Variants in EEF1E1 observed in about 807,000 individuals in gnomAD.
EEF1E1 encodes the protein eukaryotic translation elongation factor 1 epsilon-1.
A neutral mutation model predicts 19.9 loss-of-function variants in EEF1E1; 19 were observed. The observed-to-expected ratio is 0.95, with a 90% CI of 0.66 to 1.40. The LOEUF (loss-of-function observed/expected upper bound fraction) is 1.40, where lower values mean the gene tolerates loss of function less well. EEF1E1 is among the 40% of genes most tolerant of loss of function. EEF1E1 has a pLI of 0.00. For synonymous variants in EEF1E1, 81 were observed against 80.0 expected (o/e 1.01, Z -0.07); for missense variants, 198 against 202.2 (o/e 0.98, Z 0.13).
chr6:8,094,161 G>C (rs1008671769), intron 2 of EEF1E1, among the ~76,000 whole-genome samples: 4 of 152,158 alleles, frequency 2.6e-5, no homozygotes, highest in Non-Finnish European at 2.9e-5. Context: ...GAAGGAGAAA[G>C]AGGTAATACC....
chr6:8,082,736 C>T (rs1010459043), intron 3 of EEF1E1, among the ~76,000 whole-genome samples: 2 of 152,186 alleles, frequency 1.3e-5, no homozygotes, highest in African/African-American at 4.8e-5. Context: ...CCACTTTCAC[C>T]TCTTTTTACA....
At position 8,073,549 on chromosome 6, in the gene EEF1E1, G is replaced by C. The variant is rs116460821; in HGVS notation, c.385-39C>G. 2.8e-4 allele frequency: 429 copies of C among 1,551,250 alleles called. 2 individuals are homozygous for C. The African/African-American group carries it at 5.3e-3, about 19-fold the overall frequency. Reference sequence around the variant, plus strand: ...TAAAAAAGGAGTTAATTCACTTAAAGCACTTAGAATAGTGCCTGATACACA... The same window carrying C: ...TAAAAAAGGAGTTAATTCACTTAAACCACTTAGAATAGTGCCTGATACACA... On this transcript the variant is annotated intron_variant, in intron 3 of 3. Coordinates refer to the EEF1E1 transcript ENST00000429723.
chr6:8,073,406 G>GT, exon 4 of EEF1E1: 2 of 1,544,772 alleles, frequency 1.3e-6, no homozygotes, highest in Non-Finnish European at 1.7e-6. Flanking sequence ...TAGTTTACAG[G>GT]TAAGTTTGAG....
intron 3 of EEF1E1, among the ~76,000 whole-genome samples, chr6:8,082,856 A>G (rs1757756027): frequency 6.6e-6 from 1 of 152,234 alleles, no homozygotes; most frequent in African/African-American, 2.4e-5. Context: ...CTTACTGTAA[A>G]CAAAGAAATG....
intron 3 of EEF1E1, among the ~76,000 whole-genome samples, chr6:8,082,949 G>C (rs1298482365): frequency 6.6e-6 from 1 of 152,154 alleles, no homozygotes; most frequent in Non-Finnish European, 1.5e-5. Context: ...TTACAACACT[G>C]GTTTTCCACC....
chr6:8,083,133 G>A (rs1387337199), intron 3 of EEF1E1, among the ~76,000 whole-genome samples: 1 of 152,128 alleles, frequency 6.6e-6, no homozygotes, highest in Admixed American at 6.5e-5. Flanking sequence ...TCATGACTTT[G>A]AACTTTAAAG....
intron 3 of EEF1E1, among the ~76,000 whole-genome samples, chr6:8,085,409 TC>T (rs985329704): frequency 3.9e-5 from 6 of 152,154 alleles, no homozygotes; most frequent in African/African-American, 1.4e-4. Context: ...TGCCTCAGCT[TC>T]CCAAAGTGCT....
At chr6:8,081,193 A>G (rs747985295) in intron 3 of EEF1E1, among the ~76,000 whole-genome samples, 1 of 152,230 alleles carries the variant, frequency 6.6e-6, no homozygotes, top group African/African-American at 2.4e-5. Context: ...GTTTCAGAAA[A>G]ATTTAAGTTT....
chr6:8,081,916 C>T (rs1023164065), intron 3 of EEF1E1, among the ~76,000 whole-genome samples: 4 of 152,200 alleles, frequency 2.6e-5, no homozygotes, highest in African/African-American at 9.7e-5. Context: ...TCTTTCATTT[C>T]AGATAATTCT....
At position 8,093,163 on chromosome 6, in the gene EEF1E1, T is replaced by C. The variant is rs149727125; in HGVS notation, c.289-2882A>G. ...CTGGGATTACAGGCGTGAGCCACCGTGCCCGGCCAAGACTCTTAAAAATGT... is the reference window on the plus strand; with the variant it reads ...CTGGGATTACAGGCGTGAGCCACCGCGCCCGGCCAAGACTCTTAAAAATGT... On this transcript the variant is annotated intron_variant, in intron 2 of 3. Coordinates refer to ENST00000379715, the MANE Select transcript of EEF1E1 (RefSeq NM_004280.5). Among the ~76,000 whole-genome samples the C allele has an allele frequency of 9.5e-3, 1,440 of 152,046 alleles. 21 individuals carry two copies. The highest frequency in any genetic ancestry group is 0.033 in the African/African-American group (1,353 of 41,472).
chr6:8,082,561 G>T (rs1472324776), intron 3 of EEF1E1, among the ~76,000 whole-genome samples: 1 of 152,194 alleles, frequency 6.6e-6, no homozygotes, highest in Admixed American at 6.5e-5. Context: ...TTACAGGCAT[G>T]AGCCACTGCA....
intron 3 of EEF1E1, among the ~76,000 whole-genome samples, chr6:8,080,889 C>T (rs1196020302): frequency 6.6e-6 from 1 of 152,188 alleles, no homozygotes; most frequent in South Asian, 2.1e-4. Flanking sequence ...CCTACAAGCG[C>T]TACAAACCCC....
chr6:8,101,662 G>C (rs1301231677), intron 1 of EEF1E1: 1 of 990,078 alleles, frequency 1.0e-6, no homozygotes, highest in East Asian at 7.1e-5. Context: ...TATATCCAAA[G>C]TAGTCTTCCT....
At chr6:8,075,074 C>G (rs1015572526), downstream of EEF1E1, among the ~76,000 whole-genome samples, 3 of 152,146 alleles carry the variant, frequency 2.0e-5, no homozygotes, top group Non-Finnish European at 4.4e-5. Context: ...TTCAATCCTC[C>G]TGCTGAATGG....
chr6:8,090,454 C>A (rs560159712), intron 2 of EEF1E1, among the ~76,000 whole-genome samples, 173 bp from the exon 3 acceptor site: 23 of 152,222 alleles, frequency 1.5e-4, no homozygotes, highest in African/African-American at 5.5e-4. Flanking sequence ...ACGCCAGTCA[C>A]CTCATTTTAA....
downstream of EEF1E1, among the ~76,000 whole-genome samples, chr6:8,078,058 T>A (rs938302570): frequency 6.6e-6 from 1 of 152,222 alleles, no homozygotes; most frequent in African/African-American, 2.4e-5. Flanking sequence ...ATTATAGGCA[T>A]GAGCCACCAC....
At chr6:8,078,387 T>A, downstream of EEF1E1, 1 of 176,634 alleles carries the variant, frequency 5.7e-6, no homozygotes, top group South Asian at 9.9e-5. Flanking sequence ...AAGTCTTATA[T>A]GGGCATGGCT....
chr6:8,081,659 C>T lies in EEF1E1; in HGVS notation c.385-1629G>A, dbSNP rs185941270. ...AGCAAGGACTTCAAAAGAAAATGTACGATTTATTAAAAGCTCAACCAGTAA... is the reference window on the plus strand; with the variant it reads ...AGCAAGGACTTCAAAAGAAAATGTATGATTTATTAAAAGCTCAACCAGTAA... On this transcript the variant is annotated intron_variant, in intron 3 of 3. Transcript: ENST00000379715. Among the ~76,000 whole-genome samples, 528 of 152,128 alleles carry T rather than the reference C, an allele frequency of 3.5e-3. 3 individuals are homozygous for T. The highest frequency in any genetic ancestry group is 8.1e-3 in the South Asian group (39 of 4,818).
At chr6:8,077,947 G>A (rs961035424), downstream of EEF1E1, among the ~76,000 whole-genome samples, 2 of 152,096 alleles carry the variant, frequency 1.3e-5, no homozygotes, top group Non-Finnish European at 2.9e-5. Flanking sequence ...ACTCCACCAT[G>A]CCTAATTTTT....
Sources: gnomAD v4.1 joint callset for allele counts (sites outside exome capture counted in the v4.1 genomes callset) on GRCh38, gnomAD v4.1.1 for gene constraint, MANE v1.5 for transcripts, NCBI Gene and HGNC (gene_info 2026-07-23, HGNC 2026-07-21) for gene names.